Variants in KLHL7 observed in about 807,000 individuals in gnomAD.
KLHL7 encodes the protein kelch-like protein 7.
Under a neutral mutation model 67.4 loss-of-function variants are expected in KLHL7, and 44 were observed. That is an observed-to-expected ratio of 0.65 (90% CI 0.51 to 0.84). The LOEUF is 0.84. KLHL7 is among the 40% of genes least tolerant of loss of function. The pLI, the probability that KLHL7 is intolerant of heterozygous loss-of-function variation, is 0.00. For synonymous variants in KLHL7, 252 were observed against 243.3 expected (o/e 1.04, Z -0.33); for missense variants, 362 against 718.1 (o/e 0.50, Z 5.67).
At chr7:23,141,343 G>A (rs776711282) in intron 5 of KLHL7, among the ~76,000 whole-genome samples, 5 of 152,220 alleles carry the variant, frequency 3.3e-5, no homozygotes, top group Non-Finnish European at 5.9e-5. Flanking sequence ...AGAAGGCAGC[G>A]TCAAGTGGTG....
intron 7 of KLHL7, among the ~76,000 whole-genome samples, chr7:23,163,742 T>A (rs1163820729): frequency 6.6e-6 from 1 of 152,240 alleles, no homozygotes; most frequent in Admixed American, 6.5e-5. Context: ...CATGTGTACG[T>A]GTGTATAATG....
At chr7:23,144,089 C>A (rs1399358326) in intron 6 of KLHL7, 64 bp downstream of exon 6, 7 of 1,350,338 alleles carry the variant, frequency 5.2e-6, no homozygotes, top group Middle Eastern at 2.5e-4. Context: ...GGCTTAAAAC[C>A]CTTTAGAATG....
Position 23,115,552 on chromosome 7 carries a change from T to G in KLHL7, c.121-8225T>G, listed in dbSNP as rs918681204. ...ACTCATTTTGGGTTTTTTTTGTTTG[T>G]TTTTTTTTTGAGATGGAGTCTCGCT... On this transcript the variant is annotated intron_variant, in intron 1 of 10. Coordinates refer to ENST00000339077, the MANE Select transcript of KLHL7 (RefSeq NM_001031710.3). 6.8e-5 allele frequency among the ~76,000 whole-genome samples: 10 copies of G among 147,032 alleles called. No individual in the cohort carries two copies. The South Asian group carries it at 1.7e-3, about 25-fold the overall frequency.
At chr7:23,120,953 A>G (rs57671858) in intron 1 of KLHL7, among the ~76,000 whole-genome samples, 2,327 of 152,240 alleles carry the variant, frequency 0.015, 78 homozygotes, top group African/African-American at 0.053. Context: ...TATGTCCTTT[A>G]ACAAACCTCT....
intron 5 of KLHL7, among the ~76,000 whole-genome samples, chr7:23,143,508 A>G (rs1784257438): frequency 6.6e-6 from 1 of 152,186 alleles, no homozygotes; most frequent in Admixed American, 6.5e-5. Flanking sequence ...CTAAATGAGT[A>G]TATGTTGAAA....
intron 1 of KLHL7, chr7:23,106,418 G>A (rs1378176904): frequency 1.2e-5 from 15 of 1,298,872 alleles, no homozygotes; most frequent in Non-Finnish European, 1.5e-5. Context: ...GTCGGGTATC[G>A]GTTGTGTAAC....
Position 23,125,093 on chromosome 7 carries a change from A to C in KLHL7, c.363A>C (p.Ala121=), listed in dbSNP as rs1259856971. 3 of 1,612,780 alleles carry C rather than the reference A, an allele frequency of 1.9e-6. No individual in the cohort carries two copies. The highest frequency in any genetic ancestry group is 3.3e-5 in the Admixed American group (2 of 60,032). Residue 121 remains alanine (A), a synonymous_variant, in exon 4 of 11, where the codon GCA becomes GCC. Coordinates refer to ENST00000339077, the MANE Select transcript of KLHL7 (RefSeq NM_001031710.3). The part of the protein sequence containing the change: ...SNNVQSLLDA[A]NQYQIEPVKK... ...ATGTTCAGTCTTTGCTGGATGCAGC[A>C]AACCAATATCAGATTGAACCTGTGA...
chr7:23,107,343 C>T (rs1001393776), intron 1 of KLHL7, among the ~76,000 whole-genome samples: 8 of 152,218 alleles, frequency 5.3e-5, no homozygotes, highest in Admixed American at 5.2e-4. Flanking sequence ...TACAATACCA[C>T]AGACTTCAAA....
chr7:23,117,951 A>G, intron 1 of KLHL7: 1 of 1,614,120 alleles, frequency 6.2e-7, no homozygotes, highest in Non-Finnish European at 8.5e-7. Context: ...TTGACAAGCC[A>G]CATAAATCTA....
In KLHL7 at chr7:23,175,291, T is replaced by C; in HGVS notation, c.*993T>C. 2 of 454,050 alleles carry C rather than the reference T, an allele frequency of 4.4e-6. No individual in the cohort carries two copies. Among genetic ancestry groups the C allele is most frequent in the Non-Finnish European group, 8.8e-6 (2 of 226,766 alleles). 28.1% of individuals were successfully genotyped at this position (454,050 alleles called of 1,614,324 possible). On this transcript the variant is annotated 3_prime_UTR_variant, in exon 11 of 11. Transcript: ENST00000339077. ...ATTGCTTTTATGTGATCAATAAATC[T>C]TTTACAAACCCAACTACTCATTTCC...
intron 1 of KLHL7, chr7:23,117,768 A>T (rs1783154888): frequency 7.1e-7 from 1 of 1,404,966 alleles, no homozygotes; most frequent in East Asian, 2.5e-5. Context: ...AAGCTTTTCT[A>T]GTAACTAATC....
chr7:23,139,375 A>G (rs1052229199), intron 4 of KLHL7, among the ~76,000 whole-genome samples: 1 of 152,278 alleles, frequency 6.6e-6, no homozygotes, highest in Non-Finnish European at 1.5e-5. Context: ...AACTGAGTAC[A>G]TAAAATCATA....
intron 1 of KLHL7, among the ~76,000 whole-genome samples, chr7:23,115,583 G>A (rs1007183212): frequency 1.3e-5 from 2 of 151,190 alleles, no homozygotes; most frequent in African/African-American, 2.4e-5. Flanking sequence ...TCGCTCTGTC[G>A]TCCAGGCTGG....
chr7:23,118,444 C>T (rs1783189559), intron 1 of KLHL7, among the ~76,000 whole-genome samples: 2 of 152,318 alleles, frequency 1.3e-5, no homozygotes, highest in African/African-American at 2.4e-5. Flanking sequence ...CAGGAACAGT[C>T]CTCTCCTGCC....
chr7:23,118,614 G>A (rs6962526), intron 1 of KLHL7, among the ~76,000 whole-genome samples: 69,234 of 152,104 alleles, frequency 0.46, 17,982 homozygotes, highest in African/African-American at 0.72. Context: ...GGAGACTGAA[G>A]CTTCCTTCTC....
In KLHL7 at chr7:23,176,025, T is replaced by C; in HGVS notation, c.*1727T>C. The C allele has an allele frequency of 6.8e-6, 1 of 146,898 alleles. No homozygotes were observed. Among genetic ancestry groups the C allele is most frequent in the African/African-American group, 2.5e-5 (1 of 39,788 alleles). 9.1% of individuals were successfully genotyped at this position (146,898 alleles called of 1,614,324 possible). On this transcript the variant is annotated 3_prime_UTR_variant, in exon 11 of 11. Transcript: ENST00000339077. ...ATATATCCACAGAGTTACGCAACCATCACCACAATTTTAGAACATTTTCAT... is the reference window on the plus strand; with the variant it reads ...ATATATCCACAGAGTTACGCAACCACCACCACAATTTTAGAACATTTTCAT...
intron 9 of KLHL7, among the ~76,000 whole-genome samples, chr7:23,170,405 A>T (rs895986746): frequency 3.3e-5 from 5 of 152,206 alleles, no homozygotes; most frequent in African/African-American, 7.2e-5. Context: ...GGAGCTAAAA[A>T]TGTTGATCTC....
intron 6 of KLHL7, 113 bp downstream of exon 6, chr7:23,144,138 TG>T (rs1347437976): frequency 1.1e-6 from 1 of 940,944 alleles, no homozygotes; most frequent in African/African-American, 1.6e-5. Flanking sequence ...TTCAAGATTT[TG>T]CTCTTCTAGA....
At chr7:23,135,441 A>G (rs995946112) in intron 4 of KLHL7, among the ~76,000 whole-genome samples, 1 of 152,210 alleles carries the variant, frequency 6.6e-6, no homozygotes, top group Non-Finnish European at 1.5e-5. Flanking sequence ...AATATCTGTT[A>G]GATCCATTTG....
Sources: allele counts gnomAD v4.1 joint callset (sites outside exome capture counted in the v4.1 genomes callset), GRCh38; gene constraint gnomAD v4.1.1; transcripts MANE v1.5; gene names NCBI Gene and HGNC (gene_info 2026-07-23, HGNC 2026-07-21).